Variants in FAM120B observed in about 807,000 individuals in gnomAD.
FAM120B encodes constitutive coactivator of peroxisome proliferator-activated receptor gamma.
FAM120B carries 83 observed loss-of-function variants against 96.3 expected under a neutral mutation model. The ratio of observed to expected loss-of-function variants is 0.86; its 90% CI spans 0.72 to 1.03. The LOEUF (loss-of-function observed/expected upper bound fraction) is 1.03. Among genes scored for constraint, FAM120B ranks in the 50% least tolerant of loss-of-function variants. FAM120B has a pLI of 0.00. For missense variants in FAM120B, 1,027 were observed against 1,121.2 expected, an observed-to-expected ratio of 0.92 and a Z score of 1.20; for synonymous variants, 407 against 402.7, an observed-to-expected ratio of 1.01 and a Z score of -0.13.
intron 6 of FAM120B, among the ~76,000 whole-genome samples, chr6:170,368,734 C>T (rs1328087391): frequency 7.2e-6 from 1 of 138,880 alleles, no homozygotes; most frequent in Non-Finnish European, 1.5e-5. Flanking sequence ...ACTGGGTGGC[C>T]TAAAACCACA....
At chr6:170,323,776 A>G (rs1243093206) in intron 3 of FAM120B, among the ~76,000 whole-genome samples, 1 of 152,186 alleles carries the variant, frequency 6.6e-6, no homozygotes, top group African/African-American at 2.4e-5. Context: ...CAACAAGAGT[A>G]GAGAGCGGAC....
At chr6:170,327,557 TGAGTGAGTGGG>T (rs568024936) in intron 3 of FAM120B, among the ~76,000 whole-genome samples, 2 of 151,604 alleles carry the variant, frequency 1.3e-5, no homozygotes, top group Admixed American at 1.3e-4. Context: ...GGTGAGTCCA[TGAGTGAGTGGG>T]GAGTGAGTGG....
chr6:170,313,443 T>G (rs918222662), intron 1 of FAM120B, among the ~76,000 whole-genome samples: 1 of 152,192 alleles, frequency 6.6e-6, no homozygotes, highest in African/African-American at 2.4e-5. Context: ...TACTTGGAAA[T>G]AAAACAAGAA....
intron 5 of FAM120B, among the ~76,000 whole-genome samples, chr6:170,352,529 T>C (rs1787647260): frequency 6.6e-6 from 1 of 152,136 alleles, no homozygotes; most frequent in Non-Finnish European, 1.5e-5. Flanking sequence ...TAATCGGAAG[T>C]AAAACACATC....
At chr6:170,343,761 G>C (rs1457763284) in intron 4 of FAM120B, among the ~76,000 whole-genome samples, 1 of 152,070 alleles carries the variant, frequency 6.6e-6, no homozygotes, top group Non-Finnish European at 1.5e-5. Flanking sequence ...TTGCATTTCT[G>C]AGTTCCCAGA....
At chr6:170,369,581 G>A (rs1789041955) in intron 6 of FAM120B, among the ~76,000 whole-genome samples, 2 of 152,128 alleles carry the variant, frequency 1.3e-5, no homozygotes, top group Admixed American at 6.5e-5. Context: ...CATGATAAAG[G>A]TTCCAGGTGT....
intron 6 of FAM120B, among the ~76,000 whole-genome samples, chr6:170,365,133 C>T (rs1455152994): frequency 6.6e-6 from 1 of 152,234 alleles, no homozygotes; most frequent in African/African-American, 2.4e-5. Flanking sequence ...CTCCTGTCTC[C>T]TACAGCTCCC....
rs757109952 is a variant in FAM120B, at chr6:170,330,515, C to A, written c.1982C>A (p.Pro661Gln). Residue 661 changes from proline to glutamine, a missense_variant, in exon 4 of 11, where the codon CCG becomes CAG. By Grantham distance (76) the Pro-to-Gln change is moderately conservative. This residue lies in a region of FAM120B where 880 missense variants were observed against 980.9 expected (regional missense o/e 0.90). Coordinates refer to ENST00000476287, the MANE Select transcript of FAM120B (RefSeq NM_032448.3). ...TATCCTGGGAACCCACTGAGGCACCCGGACCTCGTCAGGCCGCTGCAGATG... is the reference window on the plus strand; with the variant it reads ...TATCCTGGGAACCCACTGAGGCACCAGGACCTCGTCAGGCCGCTGCAGATG... ...FVYPGNPLRH[P>Q]DLVRPLQMTI... The A allele has an allele frequency of 1.2e-6, 2 of 1,614,010 alleles. No individual in the cohort carries two copies. Among genetic ancestry groups the A allele is most frequent in the Non-Finnish European group, 1.7e-6 (2 of 1,180,010 alleles).
At chr6:170,328,238 C>G (rs1785736613) in intron 3 of FAM120B, among the ~76,000 whole-genome samples, 1 of 152,078 alleles carries the variant, frequency 6.6e-6, no homozygotes, top group South Asian at 2.1e-4. Flanking sequence ...ACTCTACTTC[C>G]TGAATTCATA....
chr6:170,379,756 G>A (rs762092320), intron 6 of FAM120B, among the ~76,000 whole-genome samples: 10 of 152,080 alleles, frequency 6.6e-5, no homozygotes, highest in Non-Finnish European at 8.8e-5. Context: ...GAAAGTGTTC[G>A]TAGGCTTCCT....
chr6:170,359,889 G>C (rs1460026074), intron 6 of FAM120B, among the ~76,000 whole-genome samples: 1 of 152,020 alleles, frequency 6.6e-6, no homozygotes, highest in Non-Finnish European at 1.5e-5. Context: ...AGCAAAAACA[G>C]AATTTTAAAA....
At chr6:170,322,296 G>C (rs1164855364) in intron 2 of FAM120B, among the ~76,000 whole-genome samples, 1 of 152,198 alleles carries the variant, frequency 6.6e-6, no homozygotes, top group Non-Finnish European at 1.5e-5. Flanking sequence ...TTTAATAAGG[G>C]AGGCAGACCA....
In FAM120B at chr6:170,317,599, C is replaced by T; in HGVS notation, c.209C>T (p.Ala70Val). Residue 70 changes from alanine (A) to valine (V), a missense_variant, in exon 2 of 11, where the codon GCT becomes GTT. This residue lies in a region of FAM120B where 880 missense variants were observed against 980.9 expected (regional missense o/e 0.90). Transcript: ENST00000476287. ...CGGQWREYFS[A>V]LRDFVKTFTA... is the part of the protein sequence containing the mutation. ...GGCCAGTGGCGAGAATACTTTTCTG[C>T]TTTGCGAGATTTTGTTAAAACTTTT... The T allele has an allele frequency of 6.2e-7, 1 of 1,614,138 alleles. No individual in the cohort carries two copies.
chr6:170,336,509 G>C (rs900529296), intron 4 of FAM120B, among the ~76,000 whole-genome samples: 6 of 152,110 alleles, frequency 3.9e-5, no homozygotes, highest in Non-Finnish European at 8.8e-5. Context: ...GGTTGTCTTG[G>C]CTATACGGGC....
chr6:170,392,152 G>A (rs1790514243), intron 8 of FAM120B, among the ~76,000 whole-genome samples: 2 of 152,210 alleles, frequency 1.3e-5, no homozygotes. Context: ...CTCCAGCAGT[G>A]AGCAAGAGTT....
chr6:170,303,707 CT>C (rs1470023387), upstream of FAM120B, among the ~76,000 whole-genome samples: 1 of 152,198 alleles, frequency 6.6e-6, no homozygotes, highest in Non-Finnish European at 1.5e-5. Flanking sequence ...GGTCACCTCC[CT>C]TTTTTCAAAA....
intron 1 of FAM120B, among the ~76,000 whole-genome samples, chr6:170,316,478 A>G (rs1430126161): frequency 6.6e-6 from 1 of 152,238 alleles, no homozygotes; most frequent in Non-Finnish European, 1.5e-5. Flanking sequence ...CACGCACATC[A>G]TTGCCTACTT....
chr6:170,378,203 C>CATTT (rs1301905148), intron 6 of FAM120B, among the ~76,000 whole-genome samples: 10 of 152,270 alleles, frequency 6.6e-5, no homozygotes, highest in South Asian at 4.1e-4. Flanking sequence ...ACGCTCTTGC[C>CATTT]ATTTATTTAT....
chr6:170,327,307 A>C (rs886614975), intron 3 of FAM120B, among the ~76,000 whole-genome samples: 3 of 152,170 alleles, frequency 2.0e-5, no homozygotes, highest in Non-Finnish European at 4.4e-5. Context: ...CGGCCTCCCA[A>C]AGTGCTGGGA....
Sources: allele counts gnomAD v4.1 joint callset (sites outside exome capture counted in the v4.1 genomes callset), GRCh38; gene constraint gnomAD v4.1.1; regional missense constraint gnomAD v4.1.1; transcripts MANE v1.5; gene names NCBI Gene and HGNC (gene_info 2026-07-23, HGNC 2026-07-21).